The following SLIT3 variants were observed in gnomAD, a reference collection of about 807,000 sequenced individuals.
SLIT3 encodes the protein slit homolog 3 protein.
In SLIT3, 68 loss-of-function variants were observed where a neutral mutation model predicts 184.0. That is an observed-to-expected ratio of 0.37 (90% CI 0.30 to 0.45). SLIT3 has a LOEUF of 0.45. Ranked by LOEUF, SLIT3 falls within the 20% of genes least tolerant of loss-of-function variation. The pLI is 1.00. For missense variants in SLIT3, 1,707 were observed against 2,026.0 expected (o/e 0.84, Z 3.02); for synonymous variants, 831 against 828.6 (o/e 1.00, Z -0.05).
At chr5:168,730,112 TAA>T (rs34425836) in intron 20 of SLIT3, among the ~76,000 whole-genome samples, 68,423 of 148,498 alleles carry the variant, frequency 0.46, 15,594 homozygotes, top group East Asian at 0.54. Context: ...CATAAAACAG[TAA>T]AAAAAAAAGA....
rs767688267 is a variant in SLIT3 at position 168,762,692 on chromosome 5, G to A, written c.1460-3C>T. On this transcript the variant is annotated splice_polypyrimidine_tract_variant and splice_region_variant and intron_variant, in intron 14 of 35. Coordinates refer to ENST00000519560, the MANE Select transcript of SLIT3 (RefSeq NM_003062.4). ...CCTGCTGCGGTAATCCTCGGAGCCT[G>A]GGAGGGGCCAAAGAGGGGACGTCAG... 5.6e-6 allele frequency: 9 copies of A among 1,612,700 alleles called. No homozygotes were observed. In the East Asian group the frequency reaches 1.8e-4, roughly 32 times the overall value.
At chr5:169,230,604 C>T (rs1019662312) in intron 3 of SLIT3, among the ~76,000 whole-genome samples, 5 of 152,176 alleles carry the variant, frequency 3.3e-5, no homozygotes, top group African/African-American at 1.2e-4. Context: ...GCAACTTAAA[C>T]TTTAAACGTT....
intron 4 of SLIT3, among the ~76,000 whole-genome samples, chr5:168,921,524 GA>G (rs1761633985): frequency 6.6e-6 from 1 of 152,150 alleles, no homozygotes; most frequent in Non-Finnish European, 1.5e-5. Flanking sequence ...GAAGGAAGGG[GA>G]AAAATGAGCG....
In SLIT3 at chr5:169,025,482, T is replaced by C. The variant is rs531207995; in HGVS notation, c.414-142146A>G. The stretch of plus-strand genomic sequence containing the variant: ...CCAGAACAGATGGTACATTCCTTGC[T>C]CTTCTTTCTTTTCTTCAATCTTGTT... On this transcript the variant is annotated intron_variant, in intron 4 of 35. Transcript: ENST00000519560. Among the ~76,000 whole-genome samples, 8 of 152,304 alleles carry C rather than the reference T, an allele frequency of 5.3e-5. No individual in the cohort carries two copies. The South Asian group carries it at 1.7e-3, about 32-fold the overall frequency.
chr5:169,008,538 C>T (rs1756015719), intron 4 of SLIT3, among the ~76,000 whole-genome samples: 1 of 152,198 alleles, frequency 6.6e-6, no homozygotes. Flanking sequence ...GCTAGCTCCA[C>T]CTTTCTATTG....
At chr5:168,886,250 C>A (rs187207190) in intron 4 of SLIT3, among the ~76,000 whole-genome samples, 2 of 152,306 alleles carry the variant, frequency 1.3e-5, no homozygotes, top group African/African-American at 2.4e-5. Context: ...TTCATAAATA[C>A]CTCCAGTGGG....
chr5:169,033,156 TTTTGTTTG>T (rs142981455), intron 4 of SLIT3, among the ~76,000 whole-genome samples: 2 of 151,804 alleles, frequency 1.3e-5, no homozygotes, highest in African/African-American at 4.9e-5. Flanking sequence ...ACAGTTGGGT[TTTTGTTTG>T]TTTGTTTGTT....
chr5:168,722,411 C>A, intron 22 of SLIT3, 84 bp from the exon 23 acceptor site: 2 of 1,193,488 alleles, frequency 1.7e-6, no homozygotes, highest in South Asian at 1.3e-5. Flanking sequence ...TGAAACAAAG[C>A]AAATGGTTTA....
intron 6 of SLIT3, 76 bp from the exon 7 acceptor site, chr5:168,823,407 G>A: frequency 9.4e-7 from 1 of 1,065,216 alleles, no homozygotes; most frequent in Non-Finnish European, 1.5e-6. Flanking sequence ...GTAGGTCGGG[G>A]GAGGGATGGT....
chr5:168,898,910 C>T (rs1439716750), intron 4 of SLIT3, among the ~76,000 whole-genome samples: 1 of 152,132 alleles, frequency 6.6e-6, no homozygotes. Context: ...AAACAGCCTC[C>T]ACCCTGACAA....
chr5:169,201,981 T>C (rs986061100), intron 3 of SLIT3, among the ~76,000 whole-genome samples: 1 of 100,332 alleles, frequency 1.0e-5, no homozygotes, highest in African/African-American at 3.5e-5. Context: ...CCTACAGTCC[T>C]GGCACTTTGG....
At chr5:169,275,870 G>A (rs1766784313) in intron 1 of SLIT3, among the ~76,000 whole-genome samples, 1 of 152,194 alleles carries the variant, frequency 6.6e-6, no homozygotes, top group Non-Finnish European at 1.5e-5. Flanking sequence ...GAGCCTGGAA[G>A]AGGGAAGTCA....
chr5:169,173,920 C>T (rs566006769), intron 4 of SLIT3, among the ~76,000 whole-genome samples: 6 of 152,324 alleles, frequency 3.9e-5, no homozygotes, highest in African/African-American at 9.6e-5. Context: ...TCAGCTCATC[C>T]AAGACCCCAG....
At chr5:169,180,265 C>G (rs1418639100) in intron 4 of SLIT3, among the ~76,000 whole-genome samples, 2 of 152,108 alleles carry the variant, frequency 1.3e-5, no homozygotes, top group Non-Finnish European at 2.9e-5. Flanking sequence ...AGGAAGAAGG[C>G]TCATGATGCT....
chr5:168,937,501 G>GT (rs1336807440), intron 4 of SLIT3, among the ~76,000 whole-genome samples: 1 of 152,140 alleles, frequency 6.6e-6, no homozygotes, highest in African/African-American at 2.4e-5. Flanking sequence ...AATGGACTGA[G>GT]TATACACCTA....
intron 4 of SLIT3, among the ~76,000 whole-genome samples, chr5:168,963,674 T>C (rs2113293789): frequency 6.6e-6 from 1 of 152,350 alleles, no homozygotes; most frequent in South Asian, 2.1e-4. Context: ...GTTAGGTACC[T>C]GATTCAGAGT....
At chr5:168,803,024 A>G (rs974165311) in intron 9 of SLIT3, among the ~76,000 whole-genome samples, 2 of 150,964 alleles carry the variant, frequency 1.3e-5, no homozygotes, top group Non-Finnish European at 3.0e-5. Context: ...GGTTGTTTGT[A>G]TCTCCTTATT....
intron 4 of SLIT3, among the ~76,000 whole-genome samples, chr5:169,190,621 C>A (rs142806118): frequency 6.6e-6 from 1 of 151,984 alleles, no homozygotes; most frequent in Non-Finnish European, 1.5e-5. Context: ...CAGATAAACA[C>A]GAAATATTAA....
At chr5:169,148,554 A>C (rs1330203197) in intron 4 of SLIT3, among the ~76,000 whole-genome samples, 2 of 152,226 alleles carry the variant, frequency 1.3e-5, no homozygotes, top group Admixed American at 6.5e-5. Context: ...TCTAGAGAGT[A>C]ATTAAATGCA....
Sources: allele counts gnomAD v4.1 joint callset (sites outside exome capture counted in the v4.1 genomes callset), GRCh38; gene constraint gnomAD v4.1.1; transcripts MANE v1.5; gene names NCBI Gene and HGNC (gene_info 2026-07-23, HGNC 2026-07-21).